The following SMCHD1 variants were observed in gnomAD, a reference collection of about 807,000 sequenced individuals.
SMCHD1 encodes the protein structural maintenance of chromosomes flexible hinge domain-containing protein 1.
In SMCHD1, 78 loss-of-function variants were observed where a neutral mutation model predicts 254.7. The observed-to-expected ratio is 0.31, with a 90% CI of 0.26 to 0.37. The LOEUF is 0.37. Ranked by LOEUF, SMCHD1 falls within the 10% of genes least tolerant of loss-of-function variation. SMCHD1 has a pLI of 1.00. For synonymous variants in SMCHD1, 766 were observed against 794.9 expected (o/e 0.96, Z 0.61); for missense variants, 1,840 against 2,408.1 (o/e 0.76, Z 4.94).
At chr18:2,762,273 C>A in intron 36 of SMCHD1, 37 bp downstream of exon 36, 1 of 1,597,826 alleles carries the variant, frequency 6.3e-7, no homozygotes, top group South Asian at 1.1e-5. Context: ...CGAAGGGTAA[C>A]AAGAAAAATT....
At chr18:2,761,978 A>G (rs1468791461) in intron 35 of SMCHD1, 127 bp from the exon 36 acceptor site, 5 of 755,056 alleles carry the variant, frequency 6.6e-6, no homozygotes, top group East Asian at 2.8e-5. Context: ...TAAAAGATTA[A>G]TGGAAATAAA....
intron 44 of SMCHD1, chr18:2,779,087 G>A (rs2076113565): frequency 6.6e-6 from 1 of 152,170 alleles, no homozygotes; most frequent in Non-Finnish European, 1.5e-5. Context: ...GATTATAGTG[G>A]AGCACAGTTT....
At chr18:2,720,397 T>TAA (rs766855124) in intron 19 of SMCHD1, among the ~76,000 whole-genome samples, 3 of 152,324 alleles carry the variant, frequency 2.0e-5, no homozygotes, top group Admixed American at 6.5e-5. Context: ...CTGAGGATAT[T>TAA]AATAATAGTG....
chr18:2,703,968 A>G (rs2074459079), intron 13 of SMCHD1, 82 bp downstream of exon 13: 4 of 1,106,702 alleles, frequency 3.6e-6, no homozygotes, highest in African/African-American at 1.6e-5. Context: ...TGTATAGAAA[A>G]TAAGCTATTT....
At chr18:2,661,705 C>T (rs983286017) in intron 1 of SMCHD1, among the ~76,000 whole-genome samples, 15 of 152,264 alleles carry the variant, frequency 9.9e-5, no homozygotes, top group South Asian at 2.1e-4. Context: ...AGCGATAACC[C>T]GGTTGCCATT....
chr18:2,783,098 T>G (rs1047082065), intron 44 of SMCHD1, among the ~76,000 whole-genome samples: 2 of 152,192 alleles, frequency 1.3e-5, no homozygotes, highest in Non-Finnish European at 2.9e-5. Flanking sequence ...AAAATTAGTG[T>G]TTTTCTTCAT....
chr18:2,740,220 G>A (rs1435082857), intron 27 of SMCHD1, among the ~76,000 whole-genome samples: 1 of 152,126 alleles, frequency 6.6e-6, no homozygotes, highest in East Asian at 1.9e-4. Flanking sequence ...TGTTGAGAAT[G>A]ATGGTTTCCA....
chr18:2,700,603 G>A lies in SMCHD1; in HGVS notation c.1407G>A (p.Arg469=). 6.2e-7 allele frequency: 1 copy of A among 1,611,746 alleles called. No individual in the cohort carries two copies. Among genetic ancestry groups the A allele is most frequent in the Non-Finnish European group, 8.5e-7 (1 of 1,178,582 alleles). Residue 469 remains arginine (R), a synonymous_variant, in exon 11 of 48, where the codon AGG becomes AGA. Transcript: ENST00000320876. ...TTGAGAAAGCAGCTAGAGGGAAAAG[G>A]CCTATTTTTGAATGTTTTTGGAATG... ...FILEKAARGK[R]PIFECFWNGR... is the part of the protein sequence containing the mutation.
chr18:2,776,511 T>C (rs2076068955), intron 42 of SMCHD1, among the ~76,000 whole-genome samples: 1 of 152,094 alleles, frequency 6.6e-6, no homozygotes, highest in Admixed American at 6.6e-5. Context: ...ACCCAGCCCC[T>C]TTTTTATATT....
At chr18:2,773,568 A>G (rs904096010) in intron 41 of SMCHD1, among the ~76,000 whole-genome samples, 8 of 152,160 alleles carry the variant, frequency 5.3e-5, no homozygotes, top group Non-Finnish European at 8.8e-5. Context: ...CAGTCCCTCC[A>G]TGTCATCCTT....
rs199548188 is a variant in SMCHD1 at position 2,767,257 on chromosome 18, C to CAA, written c.4720-2425_4720-2424dup. On this transcript the variant is annotated intron_variant, in intron 37 of 47. Transcript: ENST00000320876. ...TGGGTGACAGAGCAAGACCCTGTCT[C>CAA]AAAAAAAAAAAAAGGTTACACTTTA... is the stretch of plus-strand genomic sequence containing the variant. Among the ~76,000 whole-genome samples, 304 of 130,960 alleles carry CAA rather than the reference C, an allele frequency of 2.3e-3. 1 individual carries two copies. The highest frequency in any genetic ancestry group is 3.3e-3 in the Non-Finnish European group (206 of 62,690). The allele number at this position is 130,960 out of a possible 152,430, so 85.9% of individuals were successfully genotyped here.
At chr18:2,741,271 C>T (rs1478021284) in intron 28 of SMCHD1, among the ~76,000 whole-genome samples, 3 of 152,140 alleles carry the variant, frequency 2.0e-5, no homozygotes, top group African/African-American at 7.2e-5. Flanking sequence ...TGGTGGAATT[C>T]TTTCAGTCTA....
Position 2,705,935 on chromosome 18 carries a change from A to G in SMCHD1, c.1956+128A>G, listed in dbSNP as rs138693034. On this transcript the variant is annotated intron_variant, in intron 14 of 47. Transcript: ENST00000320876. ...TAAAGTGGTTGTAGTTTTTGTGTGG[A>G]TTTTTATGTGTCATAAGTTGATGTT... The G allele has an allele frequency of 3.2e-3, 1,731 of 542,702 alleles. 28 individuals carry two copies. The highest frequency in any genetic ancestry group is 0.03 in the African/African-American group (1,579 of 51,964). The allele number at this position is 542,702 out of a possible 1,614,324, so 33.6% of individuals were successfully genotyped here.
At chr18:2,674,285 A>C (rs2073690528) in intron 5 of SMCHD1, 140 bp downstream of exon 5, 2 of 671,508 alleles carry the variant, frequency 3.0e-6, no homozygotes, top group South Asian at 5.9e-5. Context: ...TATATTATAG[A>C]ATTTTTATGA....
intron 28 of SMCHD1, among the ~76,000 whole-genome samples, chr18:2,743,239 C>T (rs2075384870): frequency 6.6e-6 from 1 of 152,136 alleles, no homozygotes; most frequent in Non-Finnish European, 1.5e-5. Context: ...CAAATCAAAG[C>T]TCCTGACCTT....
intron 17 of SMCHD1, among the ~76,000 whole-genome samples, chr18:2,709,246 A>ATATATATATG (rs759808617): frequency 3.7e-4 from 40 of 107,474 alleles, no homozygotes; most frequent in African/African-American, 8.9e-4. Context: ...ATATATATAT[A>ATATATATATG]TATACACACA....
intron 21 of SMCHD1, among the ~76,000 whole-genome samples, chr18:2,725,912 A>AAAG (rs1341975969): frequency 6.6e-6 from 1 of 151,914 alleles, no homozygotes; most frequent in African/African-American, 2.4e-5. Flanking sequence ...TTACATGTAG[A>AAAG]AAGTTCCTCT....
At chr18:2,745,786 A>G (rs955396832) in intron 29 of SMCHD1, among the ~76,000 whole-genome samples, 3 of 152,200 alleles carry the variant, frequency 2.0e-5, no homozygotes, top group Admixed American at 6.5e-5. Flanking sequence ...TAGATCCGTA[A>G]TAATCCAGAA....
At position 2,707,853 on chromosome 18, in the gene SMCHD1, A is replaced by G. The variant is rs1486300861; in HGVS notation, c.2193A>G (p.Gln731=). ...TGAATAAAAAAGGGGAAGCAATGCAAAAGCTTCCAGGAACAAGCCATGGAG... is the reference window on the plus strand; with the variant it reads ...TGAATAAAAAAGGGGAAGCAATGCAGAAGCTTCCAGGAACAAGCCATGGAG... ...EILNKKGEAM[Q]KLPGTSHGGS... Residue 731 remains glutamine (Q), a synonymous_variant, in exon 17 of 48, where the codon CAA becomes CAG. Coordinates refer to ENST00000320876, the MANE Select transcript of SMCHD1 (RefSeq NM_015295.3). The G allele has an allele frequency of 6.2e-7, 1 of 1,609,624 alleles. No individual in the cohort carries two copies. The highest frequency in any genetic ancestry group is 8.5e-7 in the Non-Finnish European group (1 of 1,178,062).
Sources: allele counts gnomAD v4.1 joint callset (sites outside exome capture counted in the v4.1 genomes callset), GRCh38; gene constraint gnomAD v4.1.1; transcripts MANE v1.5; gene names NCBI Gene and HGNC (gene_info 2026-07-23, HGNC 2026-07-21).